The following GPC6 variants were observed in gnomAD, a reference collection of about 807,000 sequenced individuals.
GPC6 encodes glypican-6.
A neutral mutation model predicts 55.2 loss-of-function variants in GPC6; 14 were observed. That is an observed-to-expected ratio of 0.25 (90% confidence interval 0.17 to 0.40). The LOEUF (loss-of-function observed/expected upper bound fraction) is 0.40. Among genes scored for constraint, GPC6 ranks in the 10% least tolerant of loss-of-function variants. GPC6 has a pLI of 1.00. For synonymous variants in GPC6, 278 were observed against 259.6 expected (o/e 1.07, Z -0.68); for missense variants, 641 against 708.5 (o/e 0.90, Z 1.08).
intron 2 of GPC6, among the ~76,000 whole-genome samples, chr13:93,607,029 A>G (rs758013490): frequency 2.0e-5 from 3 of 152,120 alleles, no homozygotes; most frequent in Non-Finnish European, 2.9e-5. Flanking sequence ...TTATTTCCTA[A>G]TATTTTCAGG....
chr13:93,225,157 T>G (rs1320439920), upstream of GPC6, among the ~76,000 whole-genome samples: 1 of 152,126 alleles, frequency 6.6e-6, no homozygotes, highest in Non-Finnish European at 1.5e-5. Context: ...CAGGATAAGG[T>G]GGTAGGACAG....
At chr13:94,333,661 T>C (rs1877537504) in intron 6 of GPC6, among the ~76,000 whole-genome samples, 1 of 152,238 alleles carries the variant, frequency 6.6e-6, no homozygotes, top group Non-Finnish European at 1.5e-5. Flanking sequence ...AGTAGGGCAT[T>C]CTCTGTCTTG....
intron 3 of GPC6, among the ~76,000 whole-genome samples, chr13:93,865,996 G>A (rs1888954479): frequency 6.6e-6 from 1 of 151,658 alleles, no homozygotes; most frequent in Non-Finnish European, 1.5e-5. Context: ...GAAATAGAGG[G>A]CATGAGTCAA....
intron 2 of GPC6, among the ~76,000 whole-genome samples, chr13:93,776,612 G>GAAA (rs1356153365): frequency 2.6e-5 from 4 of 152,064 alleles, no homozygotes; most frequent in Admixed American, 6.6e-5. Context: ...AAGAAAGAAA[G>GAAA]AAGGAAAGAA....
intron 4 of GPC6, among the ~76,000 whole-genome samples, chr13:94,133,647 T>G (rs1887082790): frequency 6.6e-6 from 1 of 151,942 alleles, no homozygotes; most frequent in Non-Finnish European, 1.5e-5. Flanking sequence ...TGCCCTTCCA[T>G]GAATATAACT....
At chr13:93,716,078 C>T (rs1339723461) in intron 2 of GPC6, among the ~76,000 whole-genome samples, 1 of 151,568 alleles carries the variant, frequency 6.6e-6, no homozygotes, top group Admixed American at 6.6e-5. Flanking sequence ...GTGCATTACT[C>T]ATGTGTTTGT....
rs528528597 is a variant in GPC6 at position 94,249,389 on chromosome 13, A to G, written c.878-36960A>G. On this transcript the variant is annotated intron_variant, in intron 4 of 8. Coordinates refer to ENST00000377047, the MANE Select transcript of GPC6 (RefSeq NM_005708.5). ...GAGACTCAAAGGGATAGGTGAGTGA[A>G]TATAAATTTGGAAACTGGTGTTTCA... Among the ~76,000 whole-genome samples, 4 of 152,276 alleles carry G rather than the reference A, an allele frequency of 2.6e-5. No individual in the cohort carries two copies. The South Asian group carries it at 8.3e-4, about 32-fold the overall frequency.
chr13:93,867,928 A>G (rs907510942), intron 3 of GPC6, among the ~76,000 whole-genome samples: 1 of 151,752 alleles, frequency 6.6e-6, no homozygotes, highest in Admixed American at 6.6e-5. Context: ...AGAATTACAC[A>G]AGGGCAGCAG....
At chr13:93,389,211 T>C (rs1383313221) in intron 1 of GPC6, among the ~76,000 whole-genome samples, 3 of 151,958 alleles carry the variant, frequency 2.0e-5, no homozygotes, top group Non-Finnish European at 4.4e-5. Context: ...AATAAAAATA[T>C]ATGCTGCCAG....
At chr13:93,284,340 T>C (rs16948585) in intron 1 of GPC6, among the ~76,000 whole-genome samples, 5,192 of 152,284 alleles carry the variant, frequency 0.034, 281 homozygotes, top group African/African-American at 0.12. Flanking sequence ...ATTATGTCCT[T>C]TAAGTCCTTT....
intron 2 of GPC6, among the ~76,000 whole-genome samples, chr13:93,804,180 A>AT (rs1261415497): frequency 6.6e-6 from 1 of 152,192 alleles, no homozygotes; most frequent in African/African-American, 2.4e-5. Flanking sequence ...ATGGAATTGA[A>AT]TAAAAAAAAT....
chr13:93,591,388 C>T (rs567814500), intron 2 of GPC6, among the ~76,000 whole-genome samples: 2 of 151,296 alleles, frequency 1.3e-5, no homozygotes, highest in Admixed American at 6.6e-5. Context: ...GGCGTGAACC[C>T]GGGAGGTGGA....
intron 3 of GPC6, among the ~76,000 whole-genome samples, chr13:93,922,484 G>A (rs1215238347): frequency 6.6e-6 from 1 of 152,104 alleles, no homozygotes; most frequent in Non-Finnish European, 1.5e-5. Context: ...ACTTGGCACT[G>A]TTGTCATTTT....
Position 93,862,260 on chromosome 13 carries a change from G to A in GPC6, c.711+31715G>A, listed in dbSNP as rs1257656131. On this transcript the variant is annotated intron_variant, in intron 3 of 8. Coordinates refer to ENST00000377047, the MANE Select transcript of GPC6 (RefSeq NM_005708.5). Reference sequence around the variant, plus strand: ...CTAAATGCCATTTCTAAGGTATTTAGGAAGGCAGTGTCATGGAGTTTTCAG... The same window carrying A: ...CTAAATGCCATTTCTAAGGTATTTAAGAAGGCAGTGTCATGGAGTTTTCAG... Among the ~76,000 whole-genome samples, 8 of 151,596 alleles carry A rather than the reference G, an allele frequency of 5.3e-5. No individual in the cohort carries two copies. In the South Asian group the frequency reaches 1.5e-3, roughly 28 times the overall value.
chr13:94,303,392 G>T (rs1175766575), intron 5 of GPC6, among the ~76,000 whole-genome samples: 1 of 152,146 alleles, frequency 6.6e-6, no homozygotes, highest in African/African-American at 2.4e-5. Flanking sequence ...TTTAAAGGTG[G>T]ATCCGGTCAC....
At chr13:93,648,695 G>A (rs916082532) in intron 2 of GPC6, among the ~76,000 whole-genome samples, 2 of 152,200 alleles carry the variant, frequency 1.3e-5, no homozygotes, top group African/African-American at 4.8e-5. Flanking sequence ...AGAATCCCAC[G>A]TATTTCAGTC....
In GPC6 at chr13:93,358,315, G is replaced by T. The variant is rs569773376; in HGVS notation, c.160+130699G>T. ...TGACTGCACCACTGTACTCCAGCCT[G>T]GGCGACAGAGTAAGACCTTGTCTCA... On this transcript the variant is annotated intron_variant, in intron 1 of 8. Coordinates refer to ENST00000377047, the MANE Select transcript of GPC6 (RefSeq NM_005708.5). Among the ~76,000 whole-genome samples, 40 of 152,252 alleles carry T rather than the reference G, an allele frequency of 2.6e-4. 1 individual carries two copies. The South Asian group carries it at 7.5e-3, about 28-fold the overall frequency.
intron 3 of GPC6, among the ~76,000 whole-genome samples, chr13:93,874,219 C>T (rs1410474177): frequency 6.6e-6 from 1 of 151,872 alleles, no homozygotes; most frequent in African/African-American, 2.4e-5. Context: ...CTGCTACCCT[C>T]AAGCAGGTTC....
chr13:93,245,773 G>A (rs1014124015), intron 1 of GPC6, among the ~76,000 whole-genome samples: 2 of 152,178 alleles, frequency 1.3e-5, no homozygotes, highest in Non-Finnish European at 2.9e-5. Flanking sequence ...ACTGCTACAA[G>A]TTGTACTACT....
Sources: allele counts gnomAD v4.1 joint callset (sites outside exome capture counted in the v4.1 genomes callset), GRCh38; gene constraint gnomAD v4.1.1; transcripts MANE v1.5; gene names NCBI Gene and HGNC (gene_info 2026-07-23, HGNC 2026-07-21).